Variants in DSCAML1 observed in about 807,000 individuals in gnomAD.
DSCAML1 encodes the protein DS cell adhesion molecule like 1.
DSCAML1 carries 38 observed loss-of-function variants against 200.5 expected under a neutral mutation model. That is an observed-to-expected ratio of 0.19 (90% CI 0.15 to 0.25). The LOEUF (loss-of-function observed/expected upper bound fraction) is 0.25. Among genes scored for constraint, DSCAML1 ranks in the 10% least tolerant of loss-of-function variants. The probability of loss-of-function intolerance (pLI) is 1.00; values close to 1 mark genes in which losing one functional copy is unlikely to be tolerated. For missense variants in DSCAML1, 2,223 were observed against 2,858.8 expected, an observed-to-expected ratio of 0.78 and a Z score of 5.07; for synonymous variants, 1,215 against 1,165.0, an observed-to-expected ratio of 1.04 and a Z score of -0.87.
At chr11:117,610,145 G>C (rs2051658826) in intron 3 of DSCAML1, among the ~76,000 whole-genome samples, 1 of 152,200 alleles carries the variant, frequency 6.6e-6, no homozygotes, top group Non-Finnish European at 1.5e-5. Flanking sequence ...GCTTGTTGGG[G>C]AGAGAAATTG....
chr11:117,547,529 C>A (rs2050397257), intron 3 of DSCAML1, among the ~76,000 whole-genome samples: 1 of 152,124 alleles, frequency 6.6e-6, no homozygotes, highest in Admixed American at 6.5e-5. Context: ...TGTTCTTTTA[C>A]CCTGGGTGGC....
chr11:117,614,445 A>G (rs1023970929), intron 3 of DSCAML1, among the ~76,000 whole-genome samples: 1 of 152,202 alleles, frequency 6.6e-6, no homozygotes, highest in Non-Finnish European at 1.5e-5. Flanking sequence ...AAGAGCTCCC[A>G]GGTGGTGATT....
rs768073128 is a variant in DSCAML1 at position 117,780,758 on chromosome 11, C to A, written c.99G>T (p.Gln33His). The change falls in exon 2 of 33, where the codon CAG (glutamine) becomes CAT (histidine). Residue 33 changes from glutamine to histidine, a missense_variant. By Grantham distance (24) the Gln-to-His change is conservative. Transcript: ENST00000651296. The surrounding 1 kb of genome is among the most constrained non-coding windows in gnomAD (Gnocchi z 4.8). ...TSLYFVNDSL[Q>H]QVTFSSSVGV... Reference sequence around the variant, plus strand: ...CCACGGAGCTGGAAAAGGTCACCTGCTGCAAGGAGTCATTTACAAAGTAGA... The same window carrying A: ...CCACGGAGCTGGAAAAGGTCACCTGATGCAAGGAGTCATTTACAAAGTAGA... 2.0e-6 allele frequency: 3 copies of A among 1,529,312 alleles called. No homozygotes were observed. The South Asian group carries it at 3.8e-5, about 19-fold the overall frequency. The allele number at this position is 1,529,312 out of a possible 1,614,324, so 94.7% of individuals were successfully genotyped here. A position where few individuals can be genotyped will look rare whatever the true frequency, so the allele number is the denominator to read the frequency against.
chr11:117,623,208 TTTC>T (rs1488239046), intron 3 of DSCAML1, among the ~76,000 whole-genome samples: 3 of 111,468 alleles, frequency 2.7e-5, no homozygotes, highest in Non-Finnish European at 5.5e-5. Context: ...TCTTTTTTCT[TTTC>T]TTTTCTTTTT....
chr11:117,442,523 T>C (rs1370999825), intron 21 of DSCAML1, among the ~76,000 whole-genome samples: 2 of 152,020 alleles, frequency 1.3e-5, no homozygotes, highest in African/African-American at 4.8e-5. Context: ...TGTGCGTGTG[T>C]GTGTATGGGG....
At position 117,437,384 on chromosome 11, in the gene DSCAML1, G is replaced by A; in HGVS notation, c.4458C>T (p.His1486=). 1.9e-6 allele frequency: 3 copies of A among 1,613,454 alleles called. No homozygotes were observed. The South Asian group carries it at 3.3e-5, about 18-fold the overall frequency. ...GCGTGGAGTTGATGTGGGTGAAGAG[G>A]TGTTGGTCTTTGCTGAAGGAGGGCT... ...GREPSFSKDQ[H]LFTHINSTHA... is the part of the protein sequence containing the mutation. The change falls in exon 26 of 33, where the codon CAC becomes CAT. Residue 1486 remains histidine (H), a synonymous_variant. Coordinates refer to ENST00000651296, the MANE Select transcript of DSCAML1 (RefSeq NM_020693.4). The surrounding 1 kb of genome is among the most constrained non-coding windows in gnomAD (Gnocchi z 5.3).
chr11:117,701,672 A>C (rs1446815949), intron 3 of DSCAML1, among the ~76,000 whole-genome samples: 1 of 152,178 alleles, frequency 6.6e-6, no homozygotes, highest in Non-Finnish European at 1.5e-5. Context: ...CTGCATCTTC[A>C]AACAAAAATG....
intron 11 of DSCAML1, 48 bp from the exon 12 acceptor site, chr11:117,482,210 C>T (rs764195509): frequency 6.2e-6 from 10 of 1,605,908 alleles, no homozygotes; most frequent in Admixed American, 1.7e-5. Flanking sequence ...GGAGACCAGC[C>T]TGGAGGAGGC....
intron 3 of DSCAML1, among the ~76,000 whole-genome samples, chr11:117,641,653 A>G (rs184168537): frequency 0.021 from 3,187 of 152,062 alleles, 106 homozygotes; most frequent in African/African-American, 0.07. Context: ...GAGGGCCCCG[A>G]CTCAGAAGAG....
chr11:117,706,708 T>C (rs1221445515), intron 3 of DSCAML1, among the ~76,000 whole-genome samples: 3 of 152,228 alleles, frequency 2.0e-5, no homozygotes, highest in African/African-American at 4.8e-5. Context: ...GCCATTGATA[T>C]CTTGTGCAAG....
Position 117,439,368 on chromosome 11 carries a change from G to A in DSCAML1, c.4042C>T (p.Leu1348=). ...TCAGCCTTCACTGCACGCAGCAGCA[G>A]TGTGCCATTGGTGTGGATGAGCCGG... The part of the protein sequence containing the change: ...GHRLIHTNGT[L]LLRAVKAEDS... Residue 1348 remains leucine (L), a synonymous_variant, in exon 23 of 33, where the codon CTG becomes TTG. Transcript: ENST00000651296. The A allele has an allele frequency of 6.2e-7, 1 of 1,613,994 alleles. No homozygotes were observed. Among genetic ancestry groups the A allele is most frequent in the Non-Finnish European group, 8.5e-7 (1 of 1,180,008 alleles).
intron 3 of DSCAML1, among the ~76,000 whole-genome samples, chr11:117,605,398 T>C (rs1361337804): frequency 6.6e-6 from 1 of 152,098 alleles, no homozygotes; most frequent in East Asian, 1.9e-4. Flanking sequence ...GGAGCCGCCC[T>C]CTGCCGCAAG....
chr11:117,608,537 A>T (rs1440815050), intron 3 of DSCAML1, among the ~76,000 whole-genome samples: 1 of 152,230 alleles, frequency 6.6e-6, no homozygotes, highest in Non-Finnish European at 1.5e-5. Context: ...TTAACATTAT[A>T]CGAGAACATT....
intron 3 of DSCAML1, among the ~76,000 whole-genome samples, chr11:117,662,108 T>A (rs1055634678): frequency 5.9e-5 from 9 of 152,142 alleles, no homozygotes; most frequent in African/African-American, 1.9e-4. Flanking sequence ...AAAGGCAGCA[T>A]CCCAGGACAA....
intron 15 of DSCAML1, among the ~76,000 whole-genome samples, chr11:117,471,278 TCTCCTGCCTCAGC>T (rs2048680430): frequency 6.6e-6 from 1 of 152,130 alleles, no homozygotes; most frequent in Non-Finnish European, 1.5e-5. Context: ...TTCAAGCGAT[TCTCCTGCCTCAGC>T]CTCCTGATTA....
intron 5 of DSCAML1, among the ~76,000 whole-genome samples, chr11:117,524,027 G>A (rs2049928714): frequency 6.6e-6 from 1 of 152,222 alleles, no homozygotes; most frequent in Non-Finnish European, 1.5e-5. Context: ...GGGTCACACA[G>A]GAGTGGAGAG....
rs1555030211 is a variant in DSCAML1 at position 117,769,539 on chromosome 11, T to TTTTA, written c.511+7251_511+7252insTAAA. Among the ~76,000 whole-genome samples, 18 of 70,000 alleles carry TTTTA rather than the reference T, an allele frequency of 2.6e-4. 3 individuals carry two copies. The highest frequency in any genetic ancestry group is 7.7e-3 in the Middle Eastern group (1 of 130). The allele number at this position is 70,000 out of a possible 152,430, so 45.9% of individuals were successfully genotyped here. A position where few individuals can be genotyped will look rare whatever the true frequency, so the allele number is the denominator to read the frequency against. On this transcript the variant is annotated intron_variant, in intron 3 of 32. Coordinates refer to ENST00000651296, the MANE Select transcript of DSCAML1 (RefSeq NM_020693.4). ...ATATATTATATATATTTTATATATA[T>TTTTA]TATATATTTTATATATATATTTTAT...
intron 3 of DSCAML1, among the ~76,000 whole-genome samples, chr11:117,616,579 A>C (rs1370102100): frequency 6.6e-6 from 1 of 152,252 alleles, no homozygotes; most frequent in Non-Finnish European, 1.5e-5. Context: ...AAGGTTGAGC[A>C]AAAGAAGCCA....
chr11:117,773,660 G>A lies in DSCAML1; in HGVS notation c.511+3131C>T, dbSNP rs182482214. ...ACTACTTTCATTTGCCAAAATTAAAGCATGTGGCATGTGGGCCCAAGTTCT... is the reference window on the plus strand; with the variant it reads ...ACTACTTTCATTTGCCAAAATTAAAACATGTGGCATGTGGGCCCAAGTTCT... On this transcript the variant is annotated intron_variant, in intron 3 of 32. Transcript: ENST00000651296. 2.3e-3 allele frequency among the ~76,000 whole-genome samples: 353 copies of A among 152,124 alleles called. 2 individuals are homozygous for A. The highest frequency in any genetic ancestry group is 9.3e-3 in the South Asian group (45 of 4,818).
Sources: allele counts gnomAD v4.1 joint callset (sites outside exome capture counted in the v4.1 genomes callset), GRCh38; gene constraint gnomAD v4.1.1; non-coding constraint Gnocchi (gnomAD v3.1); transcripts MANE v1.5; gene names NCBI Gene and HGNC (gene_info 2026-07-23, HGNC 2026-07-21).